Variants in FER1L6 observed in about 807,000 individuals in gnomAD.
The protein encoded by FER1L6 is fer-1-like protein 6.
In FER1L6, 177 loss-of-function variants were observed where a neutral mutation model predicts 219.2. The ratio of observed to expected loss-of-function variants is 0.81; its 90% CI spans 0.71 to 0.91. The LOEUF (loss-of-function observed/expected upper bound fraction) is 0.91. Ranked by LOEUF, FER1L6 falls within the 40% of genes least tolerant of loss-of-function variation. The pLI is 0.00. For missense variants in FER1L6, 2,153 were observed against 2,259.9 expected, an observed-to-expected ratio of 0.95 and a Z score of 0.96; for synonymous variants, 768 against 824.3, an observed-to-expected ratio of 0.93 and a Z score of 1.17.
intron 1 of FER1L6, among the ~76,000 whole-genome samples, chr8:123,869,347 G>A: frequency 6.6e-6 from 1 of 152,114 alleles, no homozygotes; most frequent in Non-Finnish European, 1.5e-5. Context: ...CTTCCCCTGT[G>A]CTCTGTATCT....
At chr8:124,022,627 T>C (rs1003748976) in intron 17 of FER1L6, among the ~76,000 whole-genome samples, 32 of 152,238 alleles carry the variant, frequency 2.1e-4, no homozygotes, top group African/African-American at 7.7e-4. Context: ...CACAGTTCCT[T>C]GTAGAAATAC....
At chr8:123,923,175 G>GTA (rs1424007187) in intron 1 of FER1L6, among the ~76,000 whole-genome samples, 1 of 152,226 alleles carries the variant, frequency 6.6e-6, no homozygotes, top group Non-Finnish European at 1.5e-5. Context: ...GGTTCCAAAG[G>GTA]TGGAGAGAAA....
At chr8:124,063,898 C>A (rs1488663438) in intron 25 of FER1L6, among the ~76,000 whole-genome samples, 1 of 152,176 alleles carries the variant, frequency 6.6e-6, no homozygotes, top group Non-Finnish European at 1.5e-5. Flanking sequence ...TCTGGACATA[C>A]CCCTGCTCCC....
At chr8:123,980,268 G>A (rs944284106) in intron 10 of FER1L6, among the ~76,000 whole-genome samples, 197 bp from the exon 11 acceptor site, 2 of 152,176 alleles carry the variant, frequency 1.3e-5, no homozygotes, top group Non-Finnish European at 2.9e-5. Flanking sequence ...TAGTACAACT[G>A]TGAACAAGTG....
chr8:124,109,116 A>G (rs1822905060), intron 39 of FER1L6, among the ~76,000 whole-genome samples: 1 of 152,156 alleles, frequency 6.6e-6, no homozygotes. Context: ...TAGAAAGTTT[A>G]ATAGAAGAAA....
intron 18 of FER1L6, among the ~76,000 whole-genome samples, chr8:124,033,472 C>T (rs191153931): frequency 6.2e-4 from 94 of 151,912 alleles, no homozygotes; most frequent in African/African-American, 2.2e-3. Flanking sequence ...TTGCCTTTAC[C>T]AACAACAAAA....
intron 1 of FER1L6, among the ~76,000 whole-genome samples, chr8:123,943,573 C>A (rs182193211): frequency 1.3e-5 from 2 of 152,172 alleles, no homozygotes; most frequent in African/African-American, 2.4e-5. Flanking sequence ...TTCCTTCTTC[C>A]GAGACAGTGG....
chr8:123,962,858 C>T (rs1257010840), intron 2 of FER1L6, among the ~76,000 whole-genome samples: 1 of 152,084 alleles, frequency 6.6e-6, no homozygotes, highest in Non-Finnish European at 1.5e-5. Context: ...AAACTCCTGT[C>T]CTCAGGTGAT....
intron 1 of FER1L6, among the ~76,000 whole-genome samples, chr8:123,924,534 C>CA (rs35116182): frequency 6.8e-6 from 1 of 147,362 alleles, no homozygotes; most frequent in African/African-American, 2.6e-5. Context: ...AACTCCATCT[C>CA]AAAAAAAAAA....
At chr8:124,021,493 C>T (rs1270227691) in intron 16 of FER1L6, 57 bp from the exon 17 acceptor site, 29 of 1,600,424 alleles carry the variant, frequency 1.8e-5, no homozygotes, top group African/African-American at 1.5e-4. Context: ...AGCAACAGGA[C>T]GCTGCTTGTT....
chr8:124,117,032 CTCA>C (rs1823276428), intron 39 of FER1L6, among the ~76,000 whole-genome samples: 1 of 152,142 alleles, frequency 6.6e-6, no homozygotes, highest in African/African-American at 2.4e-5. Flanking sequence ...ATGGAATCAT[CTCA>C]TGTTAGAGCT....
chr8:124,107,207 C>T (rs898180300), intron 39 of FER1L6, among the ~76,000 whole-genome samples: 10 of 152,236 alleles, frequency 6.6e-5, no homozygotes, highest in Admixed American at 3.9e-4. Flanking sequence ...CTCAGCCTCT[C>T]AAAGTGCTGG....
rs575526967 is a variant in FER1L6, at chr8:123,900,680, A to G, written c.-8+48495A>G. Among the ~76,000 whole-genome samples the G allele has an allele frequency of 2.0e-5, 3 of 152,304 alleles. No individual in the cohort carries two copies. The East Asian group carries it at 5.8e-4, about 29-fold the overall frequency. On this transcript the variant is annotated intron_variant, in intron 1 of 40. Coordinates refer to ENST00000522917, the MANE Select transcript of FER1L6 (RefSeq NM_001039112.2). Reference sequence around the variant, plus strand: ...AATTACATTAACGTATGTCCCTTGTATGCCGATTTTGCTGAGAGTTTTAAT... The same window carrying G: ...AATTACATTAACGTATGTCCCTTGTGTGCCGATTTTGCTGAGAGTTTTAAT...
intron 1 of FER1L6, among the ~76,000 whole-genome samples, chr8:123,885,921 A>G (rs767493439): frequency 2.6e-5 from 4 of 152,192 alleles, no homozygotes; most frequent in Non-Finnish European, 5.9e-5. Context: ...CCTCATACAC[A>G]CTTGCTCCTA....
rs1344252161 is a variant in FER1L6 at position 124,119,600 on chromosome 8, C to G, written c.5391-7C>G. 1 of 1,602,198 alleles carries G rather than the reference C, an allele frequency of 6.2e-7. No individual in the cohort carries two copies. Among genetic ancestry groups the G allele is most frequent in the Non-Finnish European group, 8.5e-7 (1 of 1,170,010 alleles). ...CCCTTTTTGATTTTCTCTTCCTTCC[C>G]CCTCAGCCGCCCAGACACCTCCTTT... On this transcript the variant is annotated splice_polypyrimidine_tract_variant and splice_region_variant and intron_variant, in intron 40 of 40. Transcript: ENST00000522917.
intron 22 of FER1L6, 44 bp from the exon 23 acceptor site, chr8:124,060,136 C>A (rs759665614): frequency 2.0e-6 from 3 of 1,478,200 alleles, no homozygotes; most frequent in South Asian, 2.3e-5. Context: ...GTTGCCTTCC[C>A]TGTGTCTCTC....
At position 124,070,784 on chromosome 8, in the gene FER1L6, C is replaced by T. The variant is rs571437117; in HGVS notation, c.3966+186C>T. On this transcript the variant is annotated intron_variant, in intron 30 of 40. Transcript: ENST00000522917. ...CTTTTAAGATATTTTTGGTTTGTGA[C>T]CAGTGGATTGGAGCTCAGTCTGGTG... Among the ~76,000 whole-genome samples, 3 of 152,190 alleles carry T rather than the reference C, an allele frequency of 2.0e-5. No individual in the cohort carries two copies. In the South Asian group the frequency reaches 6.2e-4, roughly 32 times the overall value.
At chr8:124,017,867 G>T in intron 16 of FER1L6, 149 bp downstream of exon 16, 1 of 583,654 alleles carries the variant, frequency 1.7e-6, no homozygotes, top group East Asian at 2.9e-5. Flanking sequence ...TATTTGTTAA[G>T]TTGGAAAGAA....
chr8:124,012,927 G>A (rs1480294078), intron 14 of FER1L6, among the ~76,000 whole-genome samples: 4 of 152,182 alleles, frequency 2.6e-5, no homozygotes, highest in Non-Finnish European at 4.4e-5. Context: ...TACAAGCATA[G>A]GGCCATTGCC....
Sources: gnomAD v4.1 joint callset for allele counts (sites outside exome capture counted in the v4.1 genomes callset) on GRCh38, gnomAD v4.1.1 for gene constraint, MANE v1.5 for transcripts, NCBI Gene and HGNC (gene_info 2026-07-23, HGNC 2026-07-21) for gene names.